Variants in CADM2 observed in about 807,000 individuals in gnomAD.
CADM2 encodes cell adhesion molecule 2, also known as immunoglobulin superfamily member 4D.
CADM2 carries 12 observed loss-of-function variants against 49.8 expected under a neutral mutation model. The observed-to-expected ratio is 0.24, with a 90% CI of 0.15 to 0.39. The LOEUF is 0.39. CADM2 is among the 10% of genes least tolerant of loss of function. The probability of loss-of-function intolerance (pLI) is 1.00; values close to 1 mark genes in which losing one functional copy is unlikely to be tolerated. For synonymous variants in CADM2, 214 were observed against 175.4 expected, an observed-to-expected ratio of 1.22 and a Z score of -1.74; for missense variants, 378 against 492.3, an observed-to-expected ratio of 0.77 and a Z score of 2.20.
At chr3:85,544,164 TTTCTGG>T (rs1384333719) in intron 1 of CADM2, among the ~76,000 whole-genome samples, 2 of 152,114 alleles carry the variant, frequency 1.3e-5, no homozygotes, top group East Asian at 3.8e-4. Flanking sequence ...AGAGGATGTG[TTTCTGG>T]TTACAATAAA....
At chr3:85,313,570 C>T (rs2044396107) in intron 1 of CADM2, among the ~76,000 whole-genome samples, 2 of 152,126 alleles carry the variant, frequency 1.3e-5, no homozygotes, top group South Asian at 4.1e-4. Context: ...TTCCTGCTAT[C>T]TTGAGTATGA....
intron 1 of CADM2, among the ~76,000 whole-genome samples, chr3:85,232,859 G>T (rs1201875497): frequency 6.6e-6 from 1 of 152,090 alleles, no homozygotes; most frequent in Non-Finnish European, 1.5e-5. Flanking sequence ...CTAAACATAG[G>T]TTTAGTATAT....
chr3:85,322,855 A>G (rs746858095), intron 1 of CADM2, among the ~76,000 whole-genome samples: 2 of 152,152 alleles, frequency 1.3e-5, no homozygotes, highest in Non-Finnish European at 2.9e-5. Context: ...GGGAAATTCA[A>G]ACTTGTTTGG....
At chr3:85,069,100 C>T (rs2036630451) in intron 1 of CADM2, among the ~76,000 whole-genome samples, 1 of 151,944 alleles carries the variant, frequency 6.6e-6, no homozygotes, top group Non-Finnish European at 1.5e-5. Context: ...CCGTTGATGC[C>T]TTTCCCCTCT....
At chr3:85,973,367 G>A (rs957008114) in intron 8 of CADM2, among the ~76,000 whole-genome samples, 6 of 151,696 alleles carry the variant, frequency 4.0e-5, no homozygotes, top group African/African-American at 9.7e-5. Flanking sequence ...AACATAGCAA[G>A]ACCCCATCTT....
At chr3:85,474,991 CA>C (rs1328393518) in intron 1 of CADM2, among the ~76,000 whole-genome samples, 1 of 151,770 alleles carries the variant, frequency 6.6e-6, no homozygotes, top group Non-Finnish European at 1.5e-5. Context: ...AGTAACACAC[CA>C]CCGGCACAAT....
intron 1 of CADM2, among the ~76,000 whole-genome samples, chr3:85,064,845 G>A (rs1226872485): frequency 6.6e-6 from 1 of 152,060 alleles, no homozygotes; most frequent in Non-Finnish European, 1.5e-5. Context: ...GGTTTAATAA[G>A]ACTGTCTTTT....
intron 8 of CADM2, among the ~76,000 whole-genome samples, chr3:85,972,729 C>T (rs1191931984): frequency 1.3e-5 from 2 of 151,660 alleles, no homozygotes; most frequent in East Asian, 3.9e-4. Context: ...ACCTGAAAAG[C>T]TCGTTATTGG....
chr3:85,883,353 A>T lies in CADM2; in HGVS notation c.301A>T (p.Ser101Cys), dbSNP rs746697793. ...ASWHELSISV[S>C]DVSLSDEGQY... Reference sequence around the variant, plus strand: ...CTGGCATGAATTGAGTATTAGTGTCAGTGATGTGTCTCTCTCTGATGAAGG... The same window carrying T: ...CTGGCATGAATTGAGTATTAGTGTCTGTGATGTGTCTCTCTCTGATGAAGG... The change falls in exon 4 of 10, where the codon AGT becomes TGT. Residue 101 changes from serine to cysteine, a missense_variant. Ser to Cys is a moderately radical substitution (Grantham distance 112). Transcript: ENST00000383699. 1 of 1,613,928 alleles carries T rather than the reference A, an allele frequency of 6.2e-7. No homozygotes were observed. Among genetic ancestry groups the T allele is most frequent in the South Asian group, 1.1e-5 (1 of 91,058 alleles).
At chr3:85,321,205 C>T (rs1371600799) in intron 1 of CADM2, among the ~76,000 whole-genome samples, 1 of 117,998 alleles carries the variant, frequency 8.5e-6, no homozygotes, top group Non-Finnish European at 1.6e-5. Flanking sequence ...GAGTGTCTTG[C>T]TCTGTTGCCC....
chr3:85,156,817 T>C (rs2040140866), intron 1 of CADM2, among the ~76,000 whole-genome samples: 1 of 152,130 alleles, frequency 6.6e-6, no homozygotes, highest in African/African-American at 2.4e-5. Context: ...CTATTCAACA[T>C]AGTGTTGGAA....
intron 1 of CADM2, among the ~76,000 whole-genome samples, chr3:85,048,520 A>C (rs543180193): frequency 7.8e-4 from 119 of 152,280 alleles, no homozygotes; most frequent in African/African-American, 2.6e-3. Context: ...AGGAGAATTA[A>C]ACTTCAGGAG....
At chr3:85,031,674 C>G (rs1410772845) in intron 1 of CADM2, among the ~76,000 whole-genome samples, 1 of 152,002 alleles carries the variant, frequency 6.6e-6, no homozygotes, top group Non-Finnish European at 1.5e-5. Context: ...GCCACCACGC[C>G]CGGCTAATTT....
intron 7 of CADM2, among the ~76,000 whole-genome samples, chr3:85,958,296 A>T (rs181296599): frequency 1.2e-4 from 19 of 152,144 alleles, no homozygotes; most frequent in Admixed American, 1.2e-3. Context: ...GTCAAGAAGC[A>T]ATAGATGCTG....
chr3:85,944,795 T>C (rs1208872109), intron 7 of CADM2, among the ~76,000 whole-genome samples: 1 of 151,918 alleles, frequency 6.6e-6, no homozygotes, highest in Non-Finnish European at 1.5e-5. Context: ...GAGGGAAATT[T>C]ATAGCACTAA....
intron 1 of CADM2, among the ~76,000 whole-genome samples, chr3:85,193,700 G>A (rs2041268553): frequency 6.6e-6 from 1 of 152,074 alleles, no homozygotes; most frequent in Non-Finnish European, 1.5e-5. Context: ...TAATTGCTAT[G>A]AAGCTTCTTT....
At chr3:85,662,189 ATTAC>A (rs2065428001) in intron 1 of CADM2, among the ~76,000 whole-genome samples, 1 of 149,644 alleles carries the variant, frequency 6.7e-6, no homozygotes, top group African/African-American at 2.5e-5. Context: ...TTGGTAAACA[ATTAC>A]TTTTTCTTTT....
At chr3:85,365,075 C>T (rs2032652856) in intron 1 of CADM2, among the ~76,000 whole-genome samples, 1 of 149,378 alleles carries the variant, frequency 6.7e-6, no homozygotes, top group African/African-American at 2.5e-5. Context: ...TTTTTATTCA[C>T]AATATTTAAA....
chr3:85,125,576 T>G (rs2039006754), intron 1 of CADM2, among the ~76,000 whole-genome samples: 1 of 152,146 alleles, frequency 6.6e-6, no homozygotes, highest in Non-Finnish European at 1.5e-5. Flanking sequence ...CCCACGCTGG[T>G]CTGGAAATCC....
Sources: gnomAD v4.1 joint callset for allele counts (sites outside exome capture counted in the v4.1 genomes callset) on GRCh38, gnomAD v4.1.1 for gene constraint, MANE v1.5 for transcripts, NCBI Gene and HGNC (gene_info 2026-07-23, HGNC 2026-07-21) for gene names.